The following CSMD1 variants were observed in gnomAD, a reference collection of about 807,000 sequenced individuals.
CSMD1 encodes the protein CUB and sushi domain-containing protein 1.
A neutral mutation model predicts 417.5 loss-of-function variants in CSMD1; 213 were observed. That is an observed-to-expected ratio of 0.51 (90% CI 0.46 to 0.57). The LOEUF (loss-of-function observed/expected upper bound fraction) is 0.57. CSMD1 is among the 20% of genes least tolerant of loss of function. CSMD1 has a pLI of 0.00. For synonymous variants in CSMD1, 2,862 were observed against 1,736.8 expected, an observed-to-expected ratio of 1.65 and a Z score of -16.11; for missense variants, 6,923 against 4,529.7, an observed-to-expected ratio of 1.53 and a Z score of -15.17.
intron 3 of CSMD1, among the ~76,000 whole-genome samples, chr8:4,059,334 A>C (rs1476840878): frequency 1.6e-4 from 3 of 18,682 alleles, no homozygotes; most frequent in Non-Finnish European, 5.3e-4. Flanking sequence ...TCCACAAGAG[A>C]AAGTAGGAAA....
intron 26 of CSMD1, among the ~76,000 whole-genome samples, chr8:3,259,727 A>T (rs1800916124): frequency 6.6e-6 from 1 of 152,200 alleles, no homozygotes; most frequent in Admixed American, 6.5e-5. Flanking sequence ...GCACTCACTG[A>T]TTGATTTTGT....
At chr8:3,696,200 C>A (rs1280799942) in intron 7 of CSMD1, among the ~76,000 whole-genome samples, 1 of 152,142 alleles carries the variant, frequency 6.6e-6, no homozygotes, top group Non-Finnish European at 1.5e-5. Context: ...TCCATATGCC[C>A]TTCAAACAGA....
intron 26 of CSMD1, among the ~76,000 whole-genome samples, chr8:3,250,506 C>T (rs1218176998): frequency 6.6e-6 from 1 of 152,114 alleles, no homozygotes; most frequent in Non-Finnish European, 1.5e-5. Context: ...GTGAATAGTG[C>T]CGCAATAAAC....
intron 4 of CSMD1, among the ~76,000 whole-genome samples, chr8:4,025,208 G>C (rs1797000450): frequency 6.6e-6 from 1 of 152,220 alleles, no homozygotes; most frequent in African/African-American, 2.4e-5. Flanking sequence ...TGGATCAGAT[G>C]TTAGCTTTCT....
At chr8:4,522,428 T>G (rs1364587600) in intron 2 of CSMD1, among the ~76,000 whole-genome samples, 2 of 152,158 alleles carry the variant, frequency 1.3e-5, no homozygotes, top group African/African-American at 2.4e-5. Flanking sequence ...GAAAGTTCAT[T>G]ACAAATCTCA....
rs554912714 is a variant in CSMD1 at position 3,788,918 on chromosome 8, G to A, written c.819-34876C>T. On this transcript the variant is annotated intron_variant, in intron 5 of 69. Coordinates refer to ENST00000635120, the MANE Select transcript of CSMD1 (RefSeq NM_033225.6). ...GGCTCAGAGGAGGAAAGGGACTTAGGCTATGGGTACGTATTTCCTAGACAG... is the reference window on the plus strand; with the variant it reads ...GGCTCAGAGGAGGAAAGGGACTTAGACTATGGGTACGTATTTCCTAGACAG... Among the ~76,000 whole-genome samples, 68 of 152,274 alleles carry A rather than the reference G, an allele frequency of 4.5e-4. 2 individuals are homozygous for A. Among genetic ancestry groups the A allele is most frequent in the Middle Eastern group, 3.4e-3 (1 of 294 alleles).
intron 57 of CSMD1, among the ~76,000 whole-genome samples, chr8:2,967,784 A>C (rs1182542283): frequency 6.6e-6 from 1 of 152,216 alleles, no homozygotes; most frequent in East Asian, 1.9e-4. Context: ...AGAACATGGA[A>C]GAAAACATCC....
intron 3 of CSMD1, among the ~76,000 whole-genome samples, chr8:4,383,589 C>G (rs1452870172): frequency 6.6e-6 from 1 of 152,062 alleles, no homozygotes; most frequent in Non-Finnish European, 1.5e-5. Flanking sequence ...GGCCCTGAAA[C>G]ATGGAAGTGT....
rs540015678 is a variant in CSMD1 at position 3,092,448 on chromosome 8, G to A, written c.7139-786C>T. Among the ~76,000 whole-genome samples, 15 of 152,226 alleles carry A rather than the reference G, an allele frequency of 9.9e-5. No individual in the cohort carries two copies. The South Asian group carries it at 3.1e-3, about 32-fold the overall frequency. ...TAAAACATGCATAACCATGACCCAT[G>A]CAACTCCAACTTCAGAATACTAACT... is the stretch of plus-strand genomic sequence containing the variant. On this transcript the variant is annotated intron_variant, in intron 47 of 69. Coordinates refer to ENST00000635120, the MANE Select transcript of CSMD1 (RefSeq NM_033225.6).
At chr8:4,906,691 G>A (rs1805303364) in intron 1 of CSMD1, among the ~76,000 whole-genome samples, 1 of 152,044 alleles carries the variant, frequency 6.6e-6, no homozygotes, top group Non-Finnish European at 1.5e-5. Flanking sequence ...CGAGTAGCTG[G>A]GACTACAGGC....
intron 5 of CSMD1, among the ~76,000 whole-genome samples, chr8:3,806,630 C>T (rs1166982098): frequency 1.3e-5 from 2 of 152,202 alleles, no homozygotes; most frequent in African/African-American, 2.4e-5. Flanking sequence ...CAATGTAAGT[C>T]AGCTTCATAT....
intron 3 of CSMD1, among the ~76,000 whole-genome samples, chr8:4,048,565 A>T (rs192778088): frequency 8.5e-4 from 129 of 152,308 alleles, no homozygotes; most frequent in Non-Finnish European, 1.7e-3. Context: ...CCAGGATTTG[A>T]CCTGAGGTGG....
chr8:3,308,376 G>C lies in CSMD1; in HGVS notation c.3759C>G (p.Ser1253Arg), dbSNP rs771729655. 1.4e-5 allele frequency: 22 copies of C among 1,613,824 alleles called. No homozygotes were observed. The highest frequency in any genetic ancestry group is 1.9e-5 in the Non-Finnish European group (22 of 1,179,788). Residue 1253 changes from serine (S) to arginine (R), a missense_variant, in exon 24 of 70, where the codon AGC becomes AGG. By Grantham distance (110) the Ser-to-Arg change is moderately radical. Transcript: ENST00000635120. ...SCNPGYAMHG[S>R]NTLTCLSGDR... is the part of the protein sequence containing the mutation. ...CTCCACTCAAACAGGTCAGGGTGTT[G>C]CTGCCATGCATGGCGTACCCCGGGT...
At chr8:3,948,940 C>T (rs1424468505) in intron 5 of CSMD1, among the ~76,000 whole-genome samples, 2 of 151,746 alleles carry the variant, frequency 1.3e-5, no homozygotes, top group Non-Finnish European at 2.9e-5. Context: ...AGTAGAATAA[C>T]TGAGGATGGG....
intron 21 of CSMD1, among the ~76,000 whole-genome samples, chr8:3,350,773 T>G (rs1046417543): frequency 1.3e-5 from 2 of 152,176 alleles, no homozygotes; most frequent in Non-Finnish European, 2.9e-5. Context: ...TGAGCATTTG[T>G]ATCCATGTGA....
chr8:3,204,175 T>C (rs1797126811), intron 31 of CSMD1, among the ~76,000 whole-genome samples: 1 of 152,218 alleles, frequency 6.6e-6, no homozygotes, highest in African/African-American at 2.4e-5. Context: ...GTTTGTGTGA[T>C]TAAACTTTTC....
At chr8:4,357,873 G>T (rs1022814528) in intron 3 of CSMD1, among the ~76,000 whole-genome samples, 4 of 152,036 alleles carry the variant, frequency 2.6e-5, no homozygotes, top group Non-Finnish European at 5.9e-5. Context: ...ATATTTTAAT[G>T]CTAAAATCAT....
chr8:3,272,346 G>C (rs1196047273), intron 26 of CSMD1, among the ~76,000 whole-genome samples: 1 of 148,024 alleles, frequency 6.8e-6, no homozygotes, highest in Non-Finnish European at 1.5e-5. Flanking sequence ...TTGTAGCATA[G>C]TTTGAAGTCA....
chr8:4,038,377 A>G (rs187247623), intron 3 of CSMD1, among the ~76,000 whole-genome samples: 11 of 152,326 alleles, frequency 7.2e-5, no homozygotes, highest in Admixed American at 4.6e-4. Context: ...TGTAAATTGT[A>G]AAATATTGAT....
Sources: gnomAD v4.1 joint callset for allele counts (sites outside exome capture counted in the v4.1 genomes callset) on GRCh38, gnomAD v4.1.1 for gene constraint, MANE v1.5 for transcripts, NCBI Gene and HGNC (gene_info 2026-07-23, HGNC 2026-07-21) for gene names.